The following STPG2 variants were observed in gnomAD, a reference collection of about 807,000 sequenced individuals.
STPG2 encodes the protein sperm-tail PG-rich repeat-containing protein 2.
Under a neutral mutation model 54.2 loss-of-function variants are expected in STPG2, and 56 were observed. The ratio of observed to expected loss-of-function variants is 1.03; its 90% CI spans 0.83 to 1.29. STPG2 has a LOEUF of 1.29. STPG2 is among the 50% of genes most tolerant of loss of function. The probability of loss-of-function intolerance (pLI) is 0.00; values close to 1 mark genes in which losing one functional copy is unlikely to be tolerated. For synonymous variants in STPG2, 200 were observed against 181.8 expected, an observed-to-expected ratio of 1.10 and a Z score of -0.81; for missense variants, 596 against 544.9, an observed-to-expected ratio of 1.09 and a Z score of -0.93.
intron 4 of STPG2, among the ~76,000 whole-genome samples, chr4:97,449,976 T>A (rs1302377748): frequency 6.6e-6 from 1 of 152,054 alleles, no homozygotes; most frequent in Non-Finnish European, 1.5e-5. Flanking sequence ...TGAAGATATA[T>A]TGTAAAAAGT....
chr4:97,924,886 CCAAA>C (rs879743382), intron 8 of STPG2, among the ~76,000 whole-genome samples: 3 of 152,154 alleles, frequency 2.0e-5, no homozygotes, highest in Non-Finnish European at 4.4e-5. Flanking sequence ...ACATTTTCTA[CCAAA>C]CAATGACTTG....
intron 4 of STPG2, among the ~76,000 whole-genome samples, chr4:97,479,420 TAAA>T (rs1730163994): frequency 6.6e-6 from 1 of 151,954 alleles, no homozygotes; most frequent in Non-Finnish European, 1.5e-5. Context: ...CTCTTCTGCA[TAAA>T]AGATAAGAAG....
At chr4:98,024,128 C>T (rs1295684600) in intron 5 of STPG2, among the ~76,000 whole-genome samples, 8 of 152,192 alleles carry the variant, frequency 5.3e-5, no homozygotes, top group Non-Finnish European at 1.0e-4. Context: ...GTGTCACTCA[C>T]GCTGGGAGCT....
At chr4:97,912,686 A>G (rs1171837465) in intron 8 of STPG2, among the ~76,000 whole-genome samples, 1 of 152,240 alleles carries the variant, frequency 6.6e-6, no homozygotes, top group Non-Finnish European at 1.5e-5. Context: ...GAAATTTGGG[A>G]TAATTTAAAA....
At chr4:97,572,860 A>G (rs1191971588) in intron 10 of STPG2, 1 of 152,182 alleles carries the variant, frequency 6.6e-6, no homozygotes, top group African/African-American at 2.4e-5. Context: ...GGTTAGTATT[A>G]GAGATGATAA....
intron 9 of STPG2, among the ~76,000 whole-genome samples, chr4:97,733,036 TA>T (rs1044171784): frequency 2.0e-5 from 3 of 152,138 alleles, no homozygotes; most frequent in Admixed American, 6.5e-5. Flanking sequence ...CGAGATTCCT[TA>T]AAGAGTTAAG....
Position 97,981,231 on chromosome 4 carries a change from C to T in STPG2, c.700G>A (p.Gly234Arg). 6.2e-7 allele frequency: 1 copy of T among 1,613,904 alleles called. No individual in the cohort carries two copies. Among genetic ancestry groups the T allele is most frequent in the Middle Eastern group, 1.7e-4 (1 of 6,058 alleles). ...TGACCAAATGGAATATTTTTCAGTCCTGATGTTTTCTTCAAAGACTTGAGA... is the reference window on the plus strand; with the variant it reads ...TGACCAAATGGAATATTTTTCAGTCTTGATGTTTTCTTCAAAGACTTGAGA... Reference protein sequence around the residue: ...TALKSLKKTSGLKNIPFGQSA... With the variant: ...TALKSLKKTSRLKNIPFGQSA... The change falls in exon 6 of 11, where the codon GGA becomes AGA. Residue 234 changes from glycine (G) to arginine (R), a missense_variant. Transcript: ENST00000295268.
At chr4:98,009,992 T>A (rs556155927) in intron 5 of STPG2, among the ~76,000 whole-genome samples, 1 of 152,042 alleles carries the variant, frequency 6.6e-6, no homozygotes, top group African/African-American at 2.4e-5. Context: ...GAGTCTCCTA[T>A]CATTTTTTCT....
chr4:98,130,936 A>C (rs1423773768), intron 2 of STPG2, among the ~76,000 whole-genome samples: 3 of 146,564 alleles, frequency 2.0e-5, no homozygotes, highest in Non-Finnish European at 3.0e-5. Flanking sequence ...AAAAAAAAAA[A>C]AAACAAAAAA....
At chr4:97,905,717 C>A (rs34613258) in intron 8 of STPG2, among the ~76,000 whole-genome samples, 2 of 151,754 alleles carry the variant, frequency 1.3e-5, no homozygotes, top group African/African-American at 4.8e-5. Context: ...ACCCATCTCA[C>A]GTGCAGAGAC....
chr4:97,529,252 G>A (rs1731358883), intron 4 of STPG2, among the ~76,000 whole-genome samples: 1 of 152,048 alleles, frequency 6.6e-6, no homozygotes, highest in African/African-American at 2.4e-5. Flanking sequence ...TGTGATTTTT[G>A]TCATTGGTTC....
intron 9 of STPG2, among the ~76,000 whole-genome samples, chr4:97,795,712 C>A (rs1041734799): frequency 3.3e-5 from 5 of 152,164 alleles, no homozygotes; most frequent in African/African-American, 1.2e-4. Flanking sequence ...TGGGTATATA[C>A]CCAGTAATGG....
At chr4:98,074,773 C>A (rs183035122) in intron 5 of STPG2, among the ~76,000 whole-genome samples, 35 of 152,244 alleles carry the variant, frequency 2.3e-4, no homozygotes, top group Admixed American at 2.1e-3. Context: ...TTACTAAAAT[C>A]TGTTTGATGT....
intron 9 of STPG2, among the ~76,000 whole-genome samples, chr4:97,721,091 T>C (rs141484679): frequency 1.0e-3 from 153 of 152,214 alleles, no homozygotes; most frequent in African/African-American, 3.6e-3. Flanking sequence ...CCTTCATGTT[T>C]AGAAAAATCT....
At chr4:97,670,755 T>C (rs533713028) in intron 10 of STPG2, among the ~76,000 whole-genome samples, 4 of 152,292 alleles carry the variant, frequency 2.6e-5, no homozygotes, top group African/African-American at 9.6e-5. Flanking sequence ...ATAGCTTAGA[T>C]TGGGATATGA....
intron 4 of STPG2, among the ~76,000 whole-genome samples, chr4:97,505,827 T>A (rs1730831279): frequency 1.3e-5 from 2 of 151,744 alleles, no homozygotes; most frequent in Admixed American, 1.3e-4. Flanking sequence ...ATTAATTTAT[T>A]AGTGGATGTA....
rs146092253 is a variant in STPG2 at position 98,124,579 on chromosome 4, A to T, written c.387+3849T>A. On this transcript the variant is annotated intron_variant, in intron 3 of 10. Coordinates refer to ENST00000295268, the MANE Select transcript of STPG2 (RefSeq NM_174952.3). ...TCTGATGGGCTTCCCTTTGTAGGTG[A>T]CTTGGCCTTTCTCTCTGACTGCCCC... is the stretch of plus-strand genomic sequence containing the variant. 3.0e-3 allele frequency among the ~76,000 whole-genome samples: 459 copies of T among 152,142 alleles called. 2 individuals are homozygous for T. Among genetic ancestry groups the T allele is most frequent in the African/African-American group, 0.011 (442 of 41,494 alleles).
At chr4:97,464,262 T>C (rs1729736770) in intron 4 of STPG2, among the ~76,000 whole-genome samples, 1 of 152,178 alleles carries the variant, frequency 6.6e-6, no homozygotes. Flanking sequence ...CAAATGAAAG[T>C]ACGCAGTATA....
intron 9 of STPG2, among the ~76,000 whole-genome samples, chr4:97,833,195 G>GA (rs1728522751): frequency 6.6e-6 from 1 of 152,138 alleles, no homozygotes. Flanking sequence ...AGAGGCCTCA[G>GA]AAATAACACC....
Sources: allele counts gnomAD v4.1 joint callset (sites outside exome capture counted in the v4.1 genomes callset), GRCh38; gene constraint gnomAD v4.1.1; transcripts MANE v1.5; gene names NCBI Gene and HGNC (gene_info 2026-07-23, HGNC 2026-07-21).